The following CUL2 variants were observed in gnomAD, a reference collection of about 807,000 sequenced individuals.
CUL2 encodes cullin-2.
Under a neutral mutation model 110.2 loss-of-function variants are expected in CUL2, and 22 were observed. The observed-to-expected ratio is 0.20, with a 90% CI of 0.14 to 0.28. The LOEUF is 0.28. Among genes scored for constraint, CUL2 ranks in the 10% least tolerant of loss-of-function variants. The pLI is 1.00. For synonymous variants in CUL2, 279 were observed against 293.2 expected (o/e 0.95, Z 0.49); for missense variants, 631 against 905.5 (o/e 0.70, Z 3.89).
chr10:35,076,472 G>C (rs536331703), intron 1 of CUL2, among the ~76,000 whole-genome samples: 3 of 152,232 alleles, frequency 2.0e-5, no homozygotes, highest in African/African-American at 7.2e-5. Context: ...AAAAATTTTA[G>C]AGCAATTTAA....
chr10:35,032,525 C>T, intron 11 of CUL2, 31 bp from the exon 12 acceptor site: 2 of 1,542,786 alleles, frequency 1.3e-6, no homozygotes, highest in Admixed American at 4.3e-5. Flanking sequence ...TAATTAACCA[C>T]CAGCCATAGG....
rs762007938 is a variant in CUL2, at chr10:35,054,411, T to C, written c.423+23A>G. On this transcript the variant is annotated intron_variant, in intron 5 of 20. Transcript: ENST00000374749. ...TGTATAAAAACATACTTATGTTTGC[T>C]AGTCACTTAAAGAATGTCCTACCTC... 2.3e-5 allele frequency: 29 copies of C among 1,253,846 alleles called. No homozygotes were observed. The South Asian group carries it at 3.7e-4, about 16-fold the overall frequency. The allele number at this position is 1,253,846 out of a possible 1,614,324, so 77.7% of individuals were successfully genotyped here.
intron 1 of CUL2, among the ~76,000 whole-genome samples, chr10:35,117,994 T>C (rs1763316211): frequency 6.6e-6 from 1 of 152,208 alleles, no homozygotes; most frequent in African/African-American, 2.4e-5. Flanking sequence ...ATCAACATCC[T>C]GCACCAGCAT....
chr10:35,087,467 G>A (rs1174130881), intron 1 of CUL2, among the ~76,000 whole-genome samples: 2 of 152,150 alleles, frequency 1.3e-5, no homozygotes, highest in African/African-American at 2.4e-5. Flanking sequence ...CTCGTTGGAT[G>A]GCTGAATCAC....
chr10:35,078,968 G>C (rs1291614344), intron 1 of CUL2, among the ~76,000 whole-genome samples: 3 of 152,140 alleles, frequency 2.0e-5, no homozygotes, highest in Admixed American at 6.5e-5. Context: ...GCTTAGAGCA[G>C]ATTTCCTTCC....
intron 12 of CUL2, 130 bp downstream of exon 12, chr10:35,032,305 A>T: frequency 1.4e-6 from 1 of 737,030 alleles, no homozygotes; most frequent in Non-Finnish European, 2.3e-6. Context: ...CAAACTATAT[A>T]CAATGTAGAT....
intron 1 of CUL2, among the ~76,000 whole-genome samples, chr10:35,076,760 A>C (rs1393344659): frequency 3.3e-5 from 5 of 152,100 alleles, no homozygotes; most frequent in Admixed American, 2.6e-4. Flanking sequence ...TCTTAAAAGT[A>C]TATTTGTGGC....
chr10:35,049,670 T>C lies in CUL2; in HGVS notation c.506+13A>G, dbSNP rs769451581. 6.2e-6 allele frequency: 10 copies of C among 1,603,970 alleles called. No homozygotes were observed. Among genetic ancestry groups the C allele is most frequent in the Non-Finnish European group, 8.5e-6 (10 of 1,171,596 alleles). The stretch of plus-strand genomic sequence containing the variant: ...AATAAAATTGACTCAGTAAGATAAA[T>C]GTCAGCACTCACTTTTTGATTTCTC... On this transcript the variant is annotated intron_variant, in intron 6 of 20. Coordinates refer to ENST00000374749, the MANE Select transcript of CUL2 (RefSeq NM_003591.4).
At chr10:35,075,411 C>T (rs57819230) in intron 1 of CUL2, among the ~76,000 whole-genome samples, 1 of 152,140 alleles carries the variant, frequency 6.6e-6, no homozygotes, top group Admixed American at 6.5e-5. Context: ...TTTCTACCCC[C>T]CAAGCTGTCA....
At chr10:35,068,095 G>C (rs1311069076) in intron 2 of CUL2, among the ~76,000 whole-genome samples, 1 of 142,958 alleles carries the variant, frequency 7.0e-6, no homozygotes, top group Non-Finnish European at 1.5e-5. Context: ...GGGCGACAGA[G>C]CGAGACTCCG....
At chr10:35,087,556 A>G (rs573720307) in intron 1 of CUL2, among the ~76,000 whole-genome samples, 2 of 152,162 alleles carry the variant, frequency 1.3e-5, no homozygotes, top group East Asian at 3.9e-4. Context: ...CCAACTTAAC[A>G]TGTCCAATCC....
At chr10:35,113,896 AATTATT>A (rs1004397924) in intron 1 of CUL2, among the ~76,000 whole-genome samples, 1 of 149,378 alleles carries the variant, frequency 6.7e-6, no homozygotes, top group Non-Finnish European at 1.5e-5. Context: ...TTATTTTTTA[AATTATT>A]ATTATTATAT....
intron 1 of CUL2, among the ~76,000 whole-genome samples, chr10:35,103,507 T>G (rs998971492): frequency 2.6e-5 from 4 of 151,768 alleles, no homozygotes; most frequent in African/African-American, 9.7e-5. Context: ...GTATTTTTAG[T>G]AGAGACGGGG....
intron 9 of CUL2, among the ~76,000 whole-genome samples, chr10:35,037,006 C>A (rs2085639288): frequency 6.6e-6 from 1 of 152,114 alleles, no homozygotes; most frequent in Admixed American, 6.6e-5. Flanking sequence ...TTTTAATAAT[C>A]CAAAGTTTTT....
In CUL2 at chr10:35,042,015, T is replaced by C. The variant is rs532122492; in HGVS notation, c.714+2551A>G. The stretch of plus-strand genomic sequence containing the variant: ...ATGTTTTTAAATTGTGGTAAAAACA[T>C]AGATAATAAAATTTACATTAGCCAT... On this transcript the variant is annotated intron_variant, in intron 8 of 20. Transcript: ENST00000374749. Among the ~76,000 whole-genome samples, 7 of 152,328 alleles carry C rather than the reference T, an allele frequency of 4.6e-5. No homozygotes were observed. The East Asian group carries it at 1.3e-3, about 29-fold the overall frequency.
intron 1 of CUL2, among the ~76,000 whole-genome samples, chr10:35,076,642 C>T (rs2086824892): frequency 6.6e-6 from 1 of 152,138 alleles, no homozygotes; most frequent in Non-Finnish European, 1.5e-5. Context: ...GTATTTTATA[C>T]ATATATGTGA....
At chr10:35,088,624 G>A (rs1242086658) in intron 1 of CUL2, among the ~76,000 whole-genome samples, 1 of 151,048 alleles carries the variant, frequency 6.6e-6, no homozygotes, top group Non-Finnish European at 1.5e-5. Context: ...GCCAGACAAC[G>A]CAAAAATGAC....
At chr10:35,115,544 A>T (rs936006028) in intron 1 of CUL2, among the ~76,000 whole-genome samples, 2 of 152,102 alleles carry the variant, frequency 1.3e-5, no homozygotes, top group African/African-American at 4.8e-5. Flanking sequence ...TGGGTGACAG[A>T]GCAATACTCC....
chr10:35,027,338 G>T (rs1464633656), intron 16 of CUL2, among the ~76,000 whole-genome samples: 1 of 151,828 alleles, frequency 6.6e-6, no homozygotes, highest in East Asian at 1.9e-4. Context: ...TAGAGACGGG[G>T]TTTCACTGTG....
Sources: allele counts gnomAD v4.1 joint callset (sites outside exome capture counted in the v4.1 genomes callset), GRCh38; gene constraint gnomAD v4.1.1; transcripts MANE v1.5; gene names NCBI Gene and HGNC (gene_info 2026-07-23, HGNC 2026-07-21).